Variants in ADGRG6 observed in about 807,000 individuals in gnomAD.
The protein encoded by ADGRG6 is adhesion G protein-coupled receptor G6, also known as G-protein coupled receptor 126.
Under a neutral mutation model 142.4 loss-of-function variants are expected in ADGRG6, and 84 were observed. The observed-to-expected ratio is 0.59, with a 90% CI of 0.49 to 0.71. The LOEUF is 0.71. Ranked by LOEUF, ADGRG6 falls within the 30% of genes least tolerant of loss-of-function variation. The probability of loss-of-function intolerance (pLI) is 0.00; values close to 1 mark genes in which losing one functional copy is unlikely to be tolerated. For synonymous variants in ADGRG6, 521 were observed against 520.5 expected (o/e 1.00, Z -0.01); for missense variants, 1,367 against 1,466.6 (o/e 0.93, Z 1.11).
chr6:142,404,519 C>G (rs1408351733), intron 14 of ADGRG6, among the ~76,000 whole-genome samples: 1 of 151,984 alleles, frequency 6.6e-6, no homozygotes, highest in Non-Finnish European at 1.5e-5. Flanking sequence ...TGGTGCAGGC[C>G]TGTAATCCCA....
Position 142,410,661 on chromosome 6 carries a change from A to G in ADGRG6, c.2435-644A>G, listed in dbSNP as rs527301320. 6.1e-4 allele frequency among the ~76,000 whole-genome samples: 93 copies of G among 152,158 alleles called. 4 individuals carry two copies. In the South Asian group the frequency reaches 0.019, roughly 31 times the overall value. Reference sequence around the variant, plus strand: ...ATAGTTCTTGTCACAGCAAGACAGGAGTTTTTTGGTGGAGGGGTTTAGTTG... The same window carrying G: ...ATAGTTCTTGTCACAGCAAGACAGGGGTTTTTTGGTGGAGGGGTTTAGTTG... On this transcript the variant is annotated intron_variant, in intron 17 of 24. Transcript: ENST00000367609.
chr6:142,351,828 A>G (rs1780191547), intron 2 of ADGRG6, among the ~76,000 whole-genome samples: 1 of 152,210 alleles, frequency 6.6e-6, no homozygotes, highest in African/African-American at 2.4e-5. Flanking sequence ...TCTATAAGGA[A>G]CTTGAACGGA....
rs147227214 is a variant in ADGRG6 at position 142,373,562 on chromosome 6, G to A, written c.1069+2769G>A. On this transcript the variant is annotated intron_variant, in intron 4 of 24. Coordinates refer to ENST00000367609, the MANE Select transcript of ADGRG6 (RefSeq NM_198569.3). ...TTTGTTTACTTGTTTGTTTAGAGAC[G>A]GGGTTTCACTCTGTCCCCCAGGGTG... is the stretch of plus-strand genomic sequence containing the variant. 7.2e-3 allele frequency among the ~76,000 whole-genome samples: 1,097 copies of A among 152,292 alleles called. 4 individuals carry two copies. The highest frequency in any genetic ancestry group is 0.013 in the Non-Finnish European group (866 of 68,016).
intron 2 of ADGRG6, among the ~76,000 whole-genome samples, chr6:142,341,851 A>G (rs1408833026): frequency 6.6e-6 from 1 of 151,078 alleles, no homozygotes; most frequent in African/African-American, 2.4e-5. Context: ...CCATAATTCT[A>G]TGAGTATTTT....
intron 2 of ADGRG6, among the ~76,000 whole-genome samples, chr6:142,363,368 A>C (rs928463350): frequency 2.0e-5 from 3 of 152,176 alleles, no homozygotes; most frequent in Admixed American, 6.5e-5. Context: ...ATGATTATTA[A>C]ATCTATATCA....
chr6:142,376,643 T>C (rs1781517953), intron 4 of ADGRG6, among the ~76,000 whole-genome samples: 1 of 152,194 alleles, frequency 6.6e-6, no homozygotes, highest in Admixed American at 6.5e-5. Context: ...GAATGTAATA[T>C]TTTTAGATTA....
intron 2 of ADGRG6, among the ~76,000 whole-genome samples, chr6:142,359,203 T>TA (rs397885145): frequency 0.078 from 4,455 of 57,224 alleles, 188 homozygotes; most frequent in African/African-American, 0.14. Flanking sequence ...CAAGACCCTA[T>TA]AAAAAAAAAA....
intron 2 of ADGRG6, among the ~76,000 whole-genome samples, chr6:142,348,054 A>T (rs1653879949): frequency 6.6e-6 from 1 of 152,046 alleles, no homozygotes; most frequent in African/African-American, 2.4e-5. Context: ...GGTTTCAGGT[A>T]CCTCTTTACA....
intron 2 of ADGRG6, among the ~76,000 whole-genome samples, chr6:142,340,555 T>C (rs1378799708): frequency 6.6e-6 from 1 of 152,128 alleles, no homozygotes; most frequent in Non-Finnish European, 1.5e-5. Flanking sequence ...CAAATCCATG[T>C]AGCAAAAATT....
chr6:142,365,941 A>C (rs752292556), intron 2 of ADGRG6, among the ~76,000 whole-genome samples: 6 of 152,250 alleles, frequency 3.9e-5, no homozygotes, highest in Non-Finnish European at 5.9e-5. Context: ...GGATATAATA[A>C]ATTTAGTTAT....
chr6:142,389,958 C>T (rs961416807), intron 6 of ADGRG6, among the ~76,000 whole-genome samples: 3 of 151,694 alleles, frequency 2.0e-5, no homozygotes, highest in African/African-American at 7.3e-5. Context: ...ACATTACAGA[C>T]AGTAGATATA....
intron 22 of ADGRG6, among the ~76,000 whole-genome samples, chr6:142,420,902 C>T (rs1776628135): frequency 6.6e-6 from 1 of 152,126 alleles, no homozygotes; most frequent in South Asian, 2.1e-4. Context: ...TGTGCAGAAG[C>T]ACCATGAGGC....
intron 7 of ADGRG6, among the ~76,000 whole-genome samples, chr6:142,390,595 G>C (rs1324973108): frequency 6.6e-6 from 1 of 151,822 alleles, no homozygotes; most frequent in Non-Finnish European, 1.5e-5. Flanking sequence ...AATGGAAATA[G>C]ATTTTGGTGG....
At chr6:142,403,060 A>C (rs1775615002) in intron 13 of ADGRG6, among the ~76,000 whole-genome samples, 1 of 151,978 alleles carries the variant, frequency 6.6e-6, no homozygotes, top group Non-Finnish European at 1.5e-5. Flanking sequence ...AGAAAGCATA[A>C]GCAGTCTTTC....
In ADGRG6 at chr6:142,370,693, C is replaced by T; in HGVS notation, c.969C>T (p.Ser323=). ...WNFTMNAKIL[S]NLSCNVKGNV... The stretch of plus-strand genomic sequence containing the variant: ...TTACCATGAATGCCAAAATCCTCTC[C>T]AACCTCAGCTGTAATGTGAAAGGGA... The change falls in exon 4 of 25, where the codon TCC becomes TCT. Residue 323 remains serine (S), a synonymous_variant. Transcript: ENST00000367609. 3 of 1,613,558 alleles carry T rather than the reference C, an allele frequency of 1.9e-6. No homozygotes were observed. The highest frequency in any genetic ancestry group is 2.5e-6 in the Non-Finnish European group (3 of 1,179,546).
chr6:142,340,629 G>T (rs1219011144), intron 2 of ADGRG6, among the ~76,000 whole-genome samples: 1 of 152,074 alleles, frequency 6.6e-6, no homozygotes, highest in Non-Finnish European at 1.5e-5. Flanking sequence ...GAGATAAAGA[G>T]ATTTCCATTC....
rs1011548226 is a variant in ADGRG6, at chr6:142,446,119, C to T, written c.*2604C>T. The T allele has an allele frequency of 6.6e-6, 1 of 152,482 alleles. No individual in the cohort carries two copies. Among genetic ancestry groups the T allele is most frequent in the Non-Finnish European group, 1.5e-5 (1 of 68,002 alleles). 9.4% of individuals were successfully genotyped at this position (152,482 alleles called of 1,614,324 possible). ...TACTTTGTGAAATCATTTTTGGTAG[C>T]AATATCTTTGAATATGATGAATAAA... On this transcript the variant is annotated 3_prime_UTR_variant, in exon 25 of 25. Transcript: ENST00000367609.
chr6:142,388,209 C>G (rs1306653796), intron 6 of ADGRG6, among the ~76,000 whole-genome samples: 1 of 152,112 alleles, frequency 6.6e-6, no homozygotes, highest in Non-Finnish European at 1.5e-5. Flanking sequence ...CTCATGGTTA[C>G]TTGTTGACTG....
chr6:142,392,829 C>T (rs1774967396), intron 7 of ADGRG6, 119 bp from the exon 8 acceptor site: 1 of 671,482 alleles, frequency 1.5e-6, no homozygotes, highest in Non-Finnish European at 2.7e-6. Context: ...ACTCCTCCAA[C>T]TCTTCAGGAT....
Sources: allele counts gnomAD v4.1 joint callset (sites outside exome capture counted in the v4.1 genomes callset), GRCh38; gene constraint gnomAD v4.1.1; transcripts MANE v1.5; gene names NCBI Gene and HGNC (gene_info 2026-07-23, HGNC 2026-07-21).